Variants in ZNF804A observed in about 807,000 individuals in gnomAD.
ZNF804A encodes the protein zinc finger protein 804A.
Under a neutral mutation model 16.5 loss-of-function variants are expected in ZNF804A, and 2 were observed. That is an observed-to-expected ratio of 0.12 (90% CI 0.05 to 0.38). ZNF804A has a LOEUF of 0.38. Ranked by LOEUF, ZNF804A falls within the 10% of genes least tolerant of loss-of-function variation. The pLI, the probability that ZNF804A is intolerant of heterozygous loss-of-function variation, is 0.99. For synonymous variants in ZNF804A, 534 were observed against 489.6 expected (o/e 1.09, Z -1.20); for missense variants, 1,473 against 1,390.7 (o/e 1.06, Z -0.94).
chr2:184,708,317 A>C (rs892913813), intron 1 of ZNF804A, among the ~76,000 whole-genome samples: 6 of 151,960 alleles, frequency 3.9e-5, no homozygotes, highest in African/African-American at 1.4e-4. Context: ...TTTTTAGGAC[A>C]AAAAAAGAGC....
At chr2:184,766,127 T>G (rs1694123140) in intron 1 of ZNF804A, among the ~76,000 whole-genome samples, 2 of 152,170 alleles carry the variant, frequency 1.3e-5, no homozygotes, top group African/African-American at 4.8e-5. Flanking sequence ...AATTTATGCA[T>G]GTAAACGTGC....
chr2:184,911,194 C>T (rs1261783017), intron 2 of ZNF804A, among the ~76,000 whole-genome samples: 1 of 151,988 alleles, frequency 6.6e-6, no homozygotes, highest in Non-Finnish European at 1.5e-5. Context: ...ATATAGCTAG[C>T]CAGCTATCTC....
At chr2:184,645,510 C>A (rs1691856519) in intron 1 of ZNF804A, among the ~76,000 whole-genome samples, 1 of 151,948 alleles carries the variant, frequency 6.6e-6, no homozygotes, top group African/African-American at 2.4e-5. Context: ...TTAGATATAG[C>A]TGTTTATTAT....
chr2:184,766,534 A>C (rs1373815646), intron 1 of ZNF804A, among the ~76,000 whole-genome samples: 1 of 151,930 alleles, frequency 6.6e-6, no homozygotes, highest in Non-Finnish European at 1.5e-5. Flanking sequence ...AGTACTTGGA[A>C]ACTAATAAGA....
At chr2:184,820,316 C>G (rs776045780) in intron 1 of ZNF804A, among the ~76,000 whole-genome samples, 2 of 152,060 alleles carry the variant, frequency 1.3e-5, no homozygotes, top group Admixed American at 6.6e-5. Context: ...AAGACAAAAA[C>G]CACATGATTA....
chr2:184,663,163 G>A (rs1234914956), intron 1 of ZNF804A, among the ~76,000 whole-genome samples: 1 of 152,174 alleles, frequency 6.6e-6, no homozygotes, highest in African/African-American at 2.4e-5. Flanking sequence ...CAGCCACCCA[G>A]CCATGGCTGT....
At chr2:184,821,146 T>A (rs1695072562) in intron 1 of ZNF804A, among the ~76,000 whole-genome samples, 1 of 151,946 alleles carries the variant, frequency 6.6e-6, no homozygotes. Context: ...GGAGGCATCA[T>A]GCTACTGACT....
rs185618982 is a variant in ZNF804A, at chr2:184,883,753, C to G, written c.255+17241C>G. On this transcript the variant is annotated intron_variant, in intron 2 of 3. Transcript: ENST00000302277. Reference sequence around the variant, plus strand: ...AAGGCATTTGATAAAATTCAACACCCCTTCGCATTAAAAACCCTCAACAAA... The same window carrying G: ...AAGGCATTTGATAAAATTCAACACCGCTTCGCATTAAAAACCCTCAACAAA... 3.8e-3 allele frequency among the ~76,000 whole-genome samples: 573 copies of G among 152,060 alleles called. 4 individuals are homozygous for G. Among genetic ancestry groups the G allele is most frequent in the Non-Finnish European group, 4.8e-3 (327 of 67,914 alleles).
intron 1 of ZNF804A, among the ~76,000 whole-genome samples, chr2:184,653,485 A>C (rs900705759): frequency 6.6e-6 from 1 of 152,232 alleles, no homozygotes; most frequent in Non-Finnish European, 1.5e-5. Flanking sequence ...GTTTCAGAGC[A>C]GGTTGGAAGT....
At chr2:184,935,730 T>C in intron 3 of ZNF804A, 53 bp from the exon 4 acceptor site, 1 of 1,489,822 alleles carries the variant, frequency 6.7e-7, no homozygotes, top group Non-Finnish European at 8.9e-7. Context: ...ATTTGACTAT[T>C]TTTTTTTCTC....
chr2:184,926,287 T>A (rs1027782971), intron 2 of ZNF804A, among the ~76,000 whole-genome samples: 4 of 42,126 alleles, frequency 9.5e-5, no homozygotes, highest in Non-Finnish European at 3.8e-4. Context: ...AGGGTAAATT[T>A]TTTTTTTTTT....
chr2:184,853,587 G>C (rs1695637882), intron 1 of ZNF804A, among the ~76,000 whole-genome samples: 1 of 151,702 alleles, frequency 6.6e-6, no homozygotes, highest in Non-Finnish European at 1.5e-5. Flanking sequence ...TCTAATTTTT[G>C]AGAGCATTTA....
At chr2:184,700,090 T>C (rs1467449869) in intron 1 of ZNF804A, among the ~76,000 whole-genome samples, 1 of 152,128 alleles carries the variant, frequency 6.6e-6, no homozygotes, top group East Asian at 1.9e-4. Flanking sequence ...TCTTAGAGAA[T>C]ATGGTAAGGT....
chr2:184,787,831 T>C (rs930179005), intron 1 of ZNF804A, among the ~76,000 whole-genome samples: 1 of 151,810 alleles, frequency 6.6e-6, no homozygotes, highest in South Asian at 2.1e-4. Context: ...TTGCTGTTTT[T>C]TTTTTTAGTT....
intron 1 of ZNF804A, among the ~76,000 whole-genome samples, chr2:184,659,154 T>G (rs1644692016): frequency 1.3e-5 from 2 of 152,140 alleles, no homozygotes; most frequent in South Asian, 4.1e-4. Context: ...TGGTTCGTCT[T>G]GAGTTTGAAA....
chr2:184,939,097 G>A lies in ZNF804A; in HGVS notation c.*71G>A, dbSNP rs1685853531. Reference sequence around the variant, plus strand: ...ATATGCGTTAAGTGTTCATCTATGTGGGTACATGGCTATTTAACTGGTGGA... The same window carrying A: ...ATATGCGTTAAGTGTTCATCTATGTAGGTACATGGCTATTTAACTGGTGGA... On this transcript the variant is annotated 3_prime_UTR_variant, in exon 4 of 4. Transcript: ENST00000302277. 1.9e-6 allele frequency: 3 copies of A among 1,545,010 alleles called. No individual in the cohort carries two copies. The East Asian group carries it at 6.8e-5, about 35-fold the overall frequency.
At chr2:184,807,030 A>G (rs1428131176) in intron 1 of ZNF804A, among the ~76,000 whole-genome samples, 3 of 151,818 alleles carry the variant, frequency 2.0e-5, no homozygotes, top group African/African-American at 7.2e-5. Flanking sequence ...GACTAGTGTT[A>G]TATTGTCTCT....
At chr2:184,762,465 A>G (rs1294807879) in intron 1 of ZNF804A, among the ~76,000 whole-genome samples, 1 of 151,942 alleles carries the variant, frequency 6.6e-6, no homozygotes, top group Non-Finnish European at 1.5e-5. Flanking sequence ...CTTGAAACTA[A>G]AATCTAAAGT....
At chr2:184,904,251 TAATA>T (rs1685233917) in intron 2 of ZNF804A, among the ~76,000 whole-genome samples, 1 of 152,072 alleles carries the variant, frequency 6.6e-6, no homozygotes, top group African/African-American at 2.4e-5. Flanking sequence ...GAAACAACAT[TAATA>T]GTTTACTTAA....
Sources: gnomAD v4.1 joint callset for allele counts (sites outside exome capture counted in the v4.1 genomes callset) on GRCh38, gnomAD v4.1.1 for gene constraint, MANE v1.5 for transcripts, NCBI Gene and HGNC (gene_info 2026-07-23, HGNC 2026-07-21) for gene names.